Variants in UNC45A observed in about 807,000 individuals in gnomAD.
The protein encoded by UNC45A is unc-45 myosin chaperone A.
Under a neutral mutation model 103.2 loss-of-function variants are expected in UNC45A, and 78 were observed. The observed-to-expected ratio is 0.76, with a 90% CI of 0.63 to 0.91. The LOEUF is 0.91. Among genes scored for constraint, UNC45A ranks in the 40% least tolerant of loss-of-function variants. The pLI, the probability that UNC45A is intolerant of heterozygous loss-of-function variation, is 0.00. For missense variants in UNC45A, 1,193 were observed against 1,224.8 expected (o/e 0.97, Z 0.39); for synonymous variants, 495 against 504.6 (o/e 0.98, Z 0.25).
At position 90,953,720 on chromosome 15, in the gene UNC45A, G is replaced by T; in HGVS notation, c.*4G>T. 2 of 1,612,816 alleles carry T rather than the reference G, an allele frequency of 1.2e-6. No homozygotes were observed. Among genetic ancestry groups the T allele is most frequent in the Non-Finnish European group, 1.7e-6 (2 of 1,179,346 alleles). ...ACCCAACCAAGATGGAGAGTGAGGG[G>T]GTTGTCCCTGGGCCCAAGGCTCATG... is the stretch of plus-strand genomic sequence containing the variant. On this transcript the variant is annotated 3_prime_UTR_variant, in exon 20 of 20. Coordinates refer to ENST00000418476, the MANE Select transcript of UNC45A (RefSeq NM_018671.5).
chr15:90,936,041 C>G, intron 3 of UNC45A, 59 bp downstream of exon 3: 1 of 1,607,266 alleles, frequency 6.2e-7, no homozygotes. Flanking sequence ...GGCAAGGACT[C>G]TGGGACCGCT....
At chr15:90,930,205 T>C (rs1321005546) in exon 1 of UNC45A, 1 of 152,016 alleles carries the variant, frequency 6.6e-6, no homozygotes, top group African/African-American at 2.4e-5. Context: ...TAACCCGCAA[T>C]GCGGAAGGGC....
chr15:90,945,875 G>A (rs1374508263), intron 9 of UNC45A, among the ~76,000 whole-genome samples: 7 of 150,060 alleles, frequency 4.7e-5, no homozygotes, highest in Middle Eastern at 3.4e-3. Flanking sequence ...TCACACCTGA[G>A]GTGATCTGCC....
Position 90,947,841 on chromosome 15 carries a change from A to G in UNC45A, c.1546A>G (p.Lys516Glu), listed in dbSNP as rs757088710. ...GGCTGGAGGGACTGACTTCAGCATG[A>G]AGCAGTTTGCTGAAGGCTCCACTCT... ...GSAGGTDFSM[K>E]QFAEGSTLKL... Residue 516 changes from lysine (K) to glutamate (E), a missense_variant, in exon 11 of 20, where the codon AAG becomes GAG. Transcript: ENST00000418476. 1.1e-5 allele frequency: 17 copies of G among 1,613,996 alleles called. No individual in the cohort carries two copies. The highest frequency in any genetic ancestry group is 1.3e-5 in the African/African-American group (1 of 74,928).
At chr15:90,935,915 AT>A in intron 2 of UNC45A, 30 bp from the exon 3 acceptor site, 1 of 1,613,940 alleles carries the variant, frequency 6.2e-7, no homozygotes, top group Non-Finnish European at 8.5e-7. Flanking sequence ...GGAGATGACC[AT>A]TCCTTCAGGC....
At chr15:90,939,391 G>A (rs1049433746) in intron 4 of UNC45A, among the ~76,000 whole-genome samples, 7 of 152,224 alleles carry the variant, frequency 4.6e-5, no homozygotes, top group Non-Finnish European at 8.8e-5. Context: ...TGAGTTCAGT[G>A]CCATGGGAAG....
At chr15:90,947,693 G>C in intron 10 of UNC45A, 103 bp from the exon 11 acceptor site, 4 of 754,316 alleles carry the variant, frequency 5.3e-6, no homozygotes, top group Non-Finnish European at 9.2e-6. Context: ...AGCTTCCAGG[G>C]GGCCATGGCA....
chr15:90,938,773 G>A (rs952691333), intron 4 of UNC45A, among the ~76,000 whole-genome samples: 3 of 152,158 alleles, frequency 2.0e-5, no homozygotes, highest in Non-Finnish European at 2.9e-5. Context: ...CCAGATTCAA[G>A]CGATTCTCCT....
upstream of UNC45A, chr15:90,932,346 A>G (rs568910840): frequency 7.4e-5 from 66 of 887,348 alleles, no homozygotes; most frequent in Non-Finnish European, 9.8e-5. Context: ...CAGGTGCTCA[A>G]TGAGGTGCAC....
chr15:90,939,688 G>A, intron 4 of UNC45A, 43 bp from the exon 5 acceptor site: 2 of 1,605,878 alleles, frequency 1.2e-6, no homozygotes, highest in South Asian at 2.2e-5. Flanking sequence ...GATGTCTCTG[G>A]CCAAGAGCCG....
At chr15:90,936,071 C>T in intron 3 of UNC45A, 89 bp downstream of exon 3, 2 of 1,583,742 alleles carry the variant, frequency 1.3e-6, no homozygotes, top group South Asian at 1.2e-5. Flanking sequence ...CATTCTCCTC[C>T]TTTGGCCCCA....
At position 90,953,610 on chromosome 15, in the gene UNC45A, C is replaced by T; in HGVS notation, c.2729C>T (p.Ser910Leu). ...LMESEMMEIL[S>L]VLAKGDHSPV... ...GAGAGTGAGATGATGGAGATCTTGTCAGTGCTAGCTAAGGGTGACCACAGC... is the reference window on the plus strand; with the variant it reads ...GAGAGTGAGATGATGGAGATCTTGTTAGTGCTAGCTAAGGGTGACCACAGC... Residue 910 changes from serine (S) to leucine (L), a missense_variant, in exon 20 of 20, where the codon TCA becomes TTA. Physicochemically the swap from Ser to Leu is moderately radical, Grantham distance 145. Transcript: ENST00000418476. 1.9e-6 allele frequency: 3 copies of T among 1,614,122 alleles called. No individual in the cohort carries two copies. Among genetic ancestry groups the T allele is most frequent in the Non-Finnish European group, 2.5e-6 (3 of 1,180,034 alleles).
chr15:90,930,727 G>A (rs71407350), upstream of UNC45A: 9,022 of 157,442 alleles, frequency 0.057, 389 homozygotes, highest in South Asian at 0.16. Flanking sequence ...CTATGTGTCA[G>A]GCTCCATCAG....
chr15:90,941,987 AGAAACTGGGT>A (rs1026248151), intron 6 of UNC45A, among the ~76,000 whole-genome samples: 1 of 151,720 alleles, frequency 6.6e-6, no homozygotes, highest in African/African-American at 2.4e-5. Context: ...GAAAAAAGAA[AGAAACTGGGT>A]GGAGAGGTCT....
chr15:90,937,702 GGT>G lies in UNC45A; in HGVS notation c.426+1243_426+1244del. Among the ~76,000 whole-genome samples the G allele has an allele frequency of 2.6e-5, 4 of 152,208 alleles. No individual in the cohort carries two copies. The Middle Eastern group carries it at 0.014, about 518-fold the overall frequency. On this transcript the variant is annotated intron_variant, in intron 4 of 19. Coordinates refer to ENST00000418476, the MANE Select transcript of UNC45A (RefSeq NM_018671.5). ...GCGGTTTCACTGTGTTGGCCAGGAT[GGT>G]CTGGAGCTCCTGACCTTGTGATCTG... is the stretch of plus-strand genomic sequence containing the variant.
Position 90,947,612 on chromosome 15 carries a change from C to T in UNC45A, c.1501-184C>T. On this transcript the variant is annotated intron_variant, in intron 10 of 19. Coordinates refer to ENST00000418476, the MANE Select transcript of UNC45A (RefSeq NM_018671.5). ...GCAGATGCTGTGTCATGCGGCCACC[C>T]CAGTAGCTGATTTTCTTGCCACATG... 3 of 603,858 alleles carry T rather than the reference C, an allele frequency of 5.0e-6. No individual in the cohort carries two copies. The South Asian group carries it at 5.7e-5, about 11-fold the overall frequency. 37.4% of individuals were successfully genotyped at this position (603,858 alleles called of 1,614,324 possible).
Position 90,949,450 on chromosome 15 carries a change from C to T in UNC45A, c.2006+7C>T, listed in dbSNP as rs779094488. 2 of 1,613,410 alleles carry T rather than the reference C, an allele frequency of 1.2e-6. No individual in the cohort carries two copies. The highest frequency in any genetic ancestry group is 3.3e-5 in the Admixed American group (2 of 60,010). Reference sequence around the variant, plus strand: ...GCAGAGAGCTGCTCTCCAGGTGAGCCAGCCTTGGTAGGAGCCAACCTTTCC... The same window carrying T: ...GCAGAGAGCTGCTCTCCAGGTGAGCTAGCCTTGGTAGGAGCCAACCTTTCC... On this transcript the variant is annotated splice_region_variant and intron_variant, in intron 14 of 19. Transcript: ENST00000418476.
chr15:90,948,572 TG>T, intron 12 of UNC45A, 81 bp from the exon 13 acceptor site: 1 of 1,559,968 alleles, frequency 6.4e-7, no homozygotes. Context: ...AGGGTGGAAT[TG>T]GGGGCCTGGG....
chr15:90,934,558 T>G (rs2151351954), upstream of UNC45A: 2 of 398,942 alleles, frequency 5.0e-6, no homozygotes, highest in South Asian at 1.3e-4. Flanking sequence ...AGGTGAGATC[T>G]CCAACCCCAG....
Sources: gnomAD v4.1 joint callset for allele counts (sites outside exome capture counted in the v4.1 genomes callset) on GRCh38, gnomAD v4.1.1 for gene constraint, MANE v1.5 for transcripts, NCBI Gene and HGNC (gene_info 2026-07-23, HGNC 2026-07-21) for gene names.